The following FOXP2 variants were observed in gnomAD, a reference collection of about 807,000 sequenced individuals.
FOXP2 encodes the protein forkhead box protein P2.
FOXP2 carries 12 observed loss-of-function variants against 115.8 expected under a neutral mutation model. The ratio of observed to expected loss-of-function variants is 0.10; its 90% CI spans 0.07 to 0.17. The LOEUF is 0.17. Among genes scored for constraint, FOXP2 ranks in the 10% least tolerant of loss-of-function variants. The probability of loss-of-function intolerance (pLI) is 1.00; values close to 1 mark genes in which losing one functional copy is unlikely to be tolerated. For synonymous variants in FOXP2, 328 were observed against 297.7 expected, an observed-to-expected ratio of 1.10 and a Z score of -1.05; for missense variants, 629 against 843.5, an observed-to-expected ratio of 0.75 and a Z score of 3.15.
chr7:114,150,283 G>T (rs1251491876), intron 1 of FOXP2, among the ~76,000 whole-genome samples: 1 of 151,942 alleles, frequency 6.6e-6, no homozygotes, highest in Non-Finnish European at 1.5e-5. Context: ...GTCCTAATGT[G>T]CAGTTTTATA....
At chr7:114,622,302 G>C (rs1288164487) in intron 3 of FOXP2, among the ~76,000 whole-genome samples, 1 of 151,924 alleles carries the variant, frequency 6.6e-6, no homozygotes, top group Non-Finnish European at 1.5e-5. Context: ...TTGTCAATCA[G>C]TGAGTTGCTG....
rs187767601 is a variant in FOXP2, at chr7:114,117,376, C to T, written c.-247+29538C>T. Among the ~76,000 whole-genome samples the T allele has an allele frequency of 3.9e-5, 6 of 151,998 alleles. 1 individual carries two copies. The highest frequency in any genetic ancestry group is 3.9e-4 in the Admixed American group (6 of 15,278). ...AGCTGGGATTACAGATGTGCACCAC[C>T]ACGCCCAGCTAGTTTTTGTATTTTC... is the stretch of plus-strand genomic sequence containing the variant. On this transcript the variant is annotated intron_variant, in intron 1 of 19. Coordinates refer to the FOXP2 transcript ENST00000635638.
At chr7:114,265,189 T>G (rs1386667105) in intron 1 of FOXP2, among the ~76,000 whole-genome samples, 1 of 152,108 alleles carries the variant, frequency 6.6e-6, no homozygotes, top group Non-Finnish European at 1.5e-5. Flanking sequence ...GCAAGTTCCT[T>G]CCACCTATGA....
chr7:114,310,231 T>G (rs865963825), intron 2 of FOXP2, among the ~76,000 whole-genome samples: 3 of 152,168 alleles, frequency 2.0e-5, no homozygotes, highest in Admixed American at 2.0e-4. Flanking sequence ...ACCAATTGAG[T>G]TAGCAGCTTT....
At chr7:114,589,361 A>AT (rs1554425949) in intron 3 of FOXP2, among the ~76,000 whole-genome samples, 8 of 152,114 alleles carry the variant, frequency 5.3e-5, no homozygotes, top group Non-Finnish European at 1.2e-4. Context: ...TTAAAAAAAA[A>AT]GCTTCTCCCT....
intron 2 of FOXP2, among the ~76,000 whole-genome samples, chr7:114,467,159 T>A (rs752576830): frequency 6.6e-6 from 1 of 152,186 alleles, no homozygotes; most frequent in South Asian, 2.1e-4. Flanking sequence ...TCTGCATACA[T>A]TCCTTAGAAT....
chr7:114,245,321 C>G (rs908145255), intron 1 of FOXP2, among the ~76,000 whole-genome samples: 2 of 152,106 alleles, frequency 1.3e-5, no homozygotes, highest in African/African-American at 4.8e-5. Context: ...ATATTTATAC[C>G]TATTCATGAG....
chr7:114,487,490 C>G (rs924951298), intron 2 of FOXP2, among the ~76,000 whole-genome samples: 14 of 152,118 alleles, frequency 9.2e-5, no homozygotes, highest in Admixed American at 6.6e-5. Context: ...TAACATTGGG[C>G]CCCTCATTAC....
At chr7:114,259,759 A>G (rs1795701534) in intron 1 of FOXP2, among the ~76,000 whole-genome samples, 1 of 152,200 alleles carries the variant, frequency 6.6e-6, no homozygotes, top group African/African-American at 2.4e-5. Flanking sequence ...TTTCCTGATA[A>G]TAATCTTGAG....
intron 1 of FOXP2, among the ~76,000 whole-genome samples, chr7:114,165,365 T>C (rs1792952632): frequency 6.6e-6 from 1 of 152,166 alleles, no homozygotes; most frequent in Non-Finnish European, 1.5e-5. Context: ...GCCATGATTG[T>C]CTGTATAGAA....
chr7:114,448,901 A>G (rs1794953428), intron 2 of FOXP2, among the ~76,000 whole-genome samples: 2 of 152,128 alleles, frequency 1.3e-5, no homozygotes, highest in Non-Finnish European at 2.9e-5. Flanking sequence ...AAAAAACTGG[A>G]ATGGAACATT....
At chr7:114,546,028 C>T (rs1799907567) in intron 3 of FOXP2, among the ~76,000 whole-genome samples, 1 of 152,160 alleles carries the variant, frequency 6.6e-6, no homozygotes, top group African/African-American at 2.4e-5. Flanking sequence ...TTCATCTTCA[C>T]ATTTCCACTA....
intron 2 of FOXP2, among the ~76,000 whole-genome samples, chr7:114,385,751 T>A (rs1223139176): frequency 1.3e-5 from 2 of 152,186 alleles, no homozygotes; most frequent in Non-Finnish European, 1.5e-5. Flanking sequence ...CTCACAGCTT[T>A]GGATGTCCCT....
At chr7:114,275,308 G>A (rs1796162188) in intron 1 of FOXP2, among the ~76,000 whole-genome samples, 1 of 152,068 alleles carries the variant, frequency 6.6e-6, no homozygotes, top group Non-Finnish European at 1.5e-5. Flanking sequence ...TAGACATTGT[G>A]TAGTTTTCCC....
intron 1 of FOXP2, among the ~76,000 whole-genome samples, chr7:114,273,403 A>G (rs780099752): frequency 7.9e-5 from 12 of 152,008 alleles, no homozygotes; most frequent in Non-Finnish European, 1.6e-4. Flanking sequence ...GCTTGAGAAG[A>G]ATGAGTATTC....
chr7:114,244,528 T>C (rs1795229285), intron 1 of FOXP2, among the ~76,000 whole-genome samples: 1 of 152,194 alleles, frequency 6.6e-6, no homozygotes, highest in African/African-American at 2.4e-5. Flanking sequence ...GTGTGTGATA[T>C]GGTCAATATT....
At chr7:114,543,683 C>G (rs1799790461) in intron 3 of FOXP2, among the ~76,000 whole-genome samples, 1 of 152,190 alleles carries the variant, frequency 6.6e-6, no homozygotes, top group South Asian at 2.1e-4. Context: ...ACCAGATCAA[C>G]TTTTTAGCTA....
intron 2 of FOXP2, among the ~76,000 whole-genome samples, chr7:114,353,963 A>C (rs1048930021): frequency 3.9e-5 from 6 of 152,116 alleles, no homozygotes; most frequent in African/African-American, 1.4e-4. Context: ...GGGATGACCA[A>C]AGACCTAGTA....
intron 1 of FOXP2, among the ~76,000 whole-genome samples, chr7:114,264,511 C>T (rs1439764780): frequency 6.6e-6 from 1 of 152,174 alleles, no homozygotes; most frequent in Non-Finnish European, 1.5e-5. Context: ...CCTCATCAAG[C>T]CTTTCCTGAT....
Sources: gnomAD v4.1 joint callset for allele counts (sites outside exome capture counted in the v4.1 genomes callset) on GRCh38, gnomAD v4.1.1 for gene constraint, MANE v1.5 for transcripts, NCBI Gene and HGNC (gene_info 2026-07-23, HGNC 2026-07-21) for gene names.